Variants in KAZN observed in about 807,000 individuals in gnomAD.
KAZN encodes kazrin.
In KAZN, 40 loss-of-function variants were observed where a neutral mutation model predicts 87.4. The observed-to-expected ratio is 0.46, with a 90% CI of 0.36 to 0.60. KAZN has a LOEUF of 0.60. KAZN is among the 20% of genes least tolerant of loss of function. KAZN has a pLI of 0.00. For missense variants in KAZN, 898 were observed against 1,073.9 expected (o/e 0.84, Z 2.29); for synonymous variants, 466 against 458.3 (o/e 1.02, Z -0.22).
chr1:14,949,963 C>T lies in KAZN; in HGVS notation c.227-10721C>T, dbSNP rs1020594377. On this transcript the variant is annotated intron_variant, in intron 1 of 14. Transcript: ENST00000376030. This position sits in a 1 kb window ranked among gnomAD's most constrained non-coding sequence, Gnocchi z 4.3. ...GGCTAAAGGTGTGTTTACAGGCCAGCGGCTTCACCGGAAGAGCCTCTGCAC... is the reference window on the plus strand; with the variant it reads ...GGCTAAAGGTGTGTTTACAGGCCAGTGGCTTCACCGGAAGAGCCTCTGCAC... Among the ~76,000 whole-genome samples, 23 of 152,014 alleles carry T rather than the reference C, an allele frequency of 1.5e-4. No homozygotes were observed. Among genetic ancestry groups the T allele is most frequent in the African/African-American group, 5.3e-4 (22 of 41,348 alleles).
intron 2 of KAZN, among the ~76,000 whole-genome samples, chr1:14,542,083 G>T (rs1257043676): frequency 6.6e-6 from 1 of 152,142 alleles, no homozygotes; most frequent in Non-Finnish European, 1.5e-5. Flanking sequence ...CACAGTCTGT[G>T]TCTCAGGGGT....
intron 1 of KAZN, among the ~76,000 whole-genome samples, chr1:13,906,309 A>T (rs377047362): frequency 1.2e-4 from 19 of 152,308 alleles, no homozygotes; most frequent in African/African-American, 4.6e-4. Flanking sequence ...TGAGTCTACC[A>T]TACTAACTCC....
intron 2 of KAZN, among the ~76,000 whole-genome samples, chr1:14,483,671 T>G (rs1275903282): frequency 6.6e-6 from 1 of 152,242 alleles, no homozygotes; most frequent in Non-Finnish European, 1.5e-5. Flanking sequence ...TACATCGGTT[T>G]TATACATTTA....
At chr1:14,108,755 G>A (rs561726400) in intron 1 of KAZN, among the ~76,000 whole-genome samples, 4 of 152,162 alleles carry the variant, frequency 2.6e-5, no homozygotes, top group Middle Eastern at 3.4e-3. Flanking sequence ...GAAGCATAAC[G>A]TTAACACTCC....
chr1:14,993,612 G>A (rs1387685096), intron 2 of KAZN, among the ~76,000 whole-genome samples: 2 of 152,080 alleles, frequency 1.3e-5, no homozygotes, highest in Admixed American at 6.6e-5. Context: ...ACTCCCCGCC[G>A]CCACCCCCCT....
intron 2 of KAZN, among the ~76,000 whole-genome samples, chr1:14,323,767 A>G (rs909491526): frequency 8.5e-5 from 13 of 152,160 alleles, no homozygotes; most frequent in African/African-American, 3.1e-4. Context: ...CAGGATCTTT[A>G]TTAGAGATTC....
intron 1 of KAZN, among the ~76,000 whole-genome samples, chr1:14,027,383 C>T (rs536576146): frequency 6.6e-6 from 1 of 152,224 alleles, no homozygotes; most frequent in African/African-American, 2.4e-5. Context: ...GCTCCCTAAA[C>T]CCCATGCCTC....
chr1:14,093,025 A>G (rs1490716256), intron 1 of KAZN, among the ~76,000 whole-genome samples: 1 of 151,580 alleles, frequency 6.6e-6, no homozygotes, highest in African/African-American at 2.4e-5. Context: ...TTATTCTCGT[A>G]CTCTGTTATC....
chr1:14,286,685 C>A (rs996501298), intron 2 of KAZN, among the ~76,000 whole-genome samples: 1 of 152,034 alleles, frequency 6.6e-6, no homozygotes, highest in Non-Finnish European at 1.5e-5. Context: ...AGCTCTAAGC[C>A]CACTTTGTAG....
At position 13,929,047 on chromosome 1, in the gene KAZN, C is replaced by CTTTTTTTTT. The variant is rs33984927; in HGVS notation, c.91+35306_91+35314dup. On this transcript the variant is annotated intron_variant, in intron 1 of 16. Transcript: ENST00000636203. ...GCCAAGGTCTAGTTCAGCTTCAAGG[C>CTTTTTTTTT]TTTTTTTTTTTTTTTTTTTTTTTAA... 8.9e-5 allele frequency among the ~76,000 whole-genome samples: 9 copies of CTTTTTTTTT among 101,540 alleles called. 1 individual carries two copies. Among genetic ancestry groups the CTTTTTTTTT allele is most frequent in the African/African-American group, 1.2e-4 (3 of 25,266 alleles). The allele number at this position is 101,540 out of a possible 152,430, so 66.6% of individuals were successfully genotyped here.
At chr1:14,447,333 G>A (rs1295980258) in intron 2 of KAZN, among the ~76,000 whole-genome samples, 1 of 151,224 alleles carries the variant, frequency 6.6e-6, no homozygotes, top group African/African-American at 2.4e-5. Context: ...CCACCTCCTG[G>A]ATTCACACCA....
At chr1:14,677,781 T>A (rs1640319886) in intron 1 of KAZN, among the ~76,000 whole-genome samples, 1 of 152,226 alleles carries the variant, frequency 6.6e-6, no homozygotes, top group Admixed American at 6.5e-5. Flanking sequence ...AGCCAGGGTC[T>A]GCACCAGTAT....
At chr1:13,982,257 T>C (rs1557761791) in intron 1 of KAZN, among the ~76,000 whole-genome samples, 1 of 152,148 alleles carries the variant, frequency 6.6e-6, no homozygotes, top group African/African-American at 2.4e-5. Flanking sequence ...CCGGAATTGG[T>C]GGGTTCTTGG....
chr1:14,043,388 G>A (rs1255481646), intron 1 of KAZN, among the ~76,000 whole-genome samples: 1 of 152,180 alleles, frequency 6.6e-6, no homozygotes, highest in Non-Finnish European at 1.5e-5. Flanking sequence ...GAATAATTAT[G>A]CCGTAAACGT....
intron 14 of KAZN, 60 bp downstream of exon 14, chr1:15,112,601 T>TC: frequency 2.6e-6 from 1 of 380,926 alleles, no homozygotes; most frequent in South Asian, 3.2e-5. Flanking sequence ...TCTTTTTTTC[T>TC]CCTCCCGGGA....
chr1:15,070,492 C>T (rs1393664071), intron 8 of KAZN, among the ~76,000 whole-genome samples: 8 of 152,124 alleles, frequency 5.3e-5, no homozygotes, highest in Admixed American at 2.0e-4. Flanking sequence ...GTGCAGCCCC[C>T]AACACCTGGG....
At chr1:14,753,815 C>T (rs941872694) in intron 1 of KAZN, among the ~76,000 whole-genome samples, 44 of 152,292 alleles carry the variant, frequency 2.9e-4, no homozygotes, top group African/African-American at 1.0e-3. Flanking sequence ...GGCAAGCAGG[C>T]CTGTTTCCTT....
chr1:13,965,787 C>A (rs150013073), intron 1 of KAZN, among the ~76,000 whole-genome samples: 4 of 152,308 alleles, frequency 2.6e-5, no homozygotes, highest in South Asian at 2.1e-4. Flanking sequence ...CTTCTCATAA[C>A]CGGTGGGTCT....
chr1:14,849,937 C>A (rs936566766), intron 1 of KAZN, among the ~76,000 whole-genome samples: 12 of 149,928 alleles, frequency 8.0e-5, no homozygotes, highest in South Asian at 2.1e-4. Context: ...TTCTACCCCC[C>A]CTTTTTTTTT....
Sources: allele counts gnomAD v4.1 joint callset (sites outside exome capture counted in the v4.1 genomes callset), GRCh38; gene constraint gnomAD v4.1.1; non-coding constraint Gnocchi (gnomAD v3.1); transcripts MANE v1.5; gene names NCBI Gene and HGNC (gene_info 2026-07-23, HGNC 2026-07-21).